The following ACOXL variants were observed in gnomAD, a reference collection of about 807,000 sequenced individuals.
ACOXL encodes the protein acyl-CoA oxidase like.
ACOXL carries 70 observed loss-of-function variants against 71.9 expected under a neutral mutation model. The ratio of observed to expected loss-of-function variants is 0.97; its 90% CI spans 0.80 to 1.19. The LOEUF is 1.19. ACOXL is among the 50% of genes most tolerant of loss of function. ACOXL has a pLI of 0.00. For missense variants in ACOXL, 703 were observed against 736.3 expected (o/e 0.95, Z 0.52); for synonymous variants, 253 against 281.6 (o/e 0.90, Z 1.02).
At chr2:110,892,665 T>C (rs1698054658) in intron 10 of ACOXL, among the ~76,000 whole-genome samples, 1 of 152,174 alleles carries the variant, frequency 6.6e-6, no homozygotes, top group South Asian at 2.1e-4. Context: ...AAGTTTGCTT[T>C]TACTTATTTT....
rs539073839 is a variant in ACOXL, at chr2:110,865,724, G to A, written c.788+24319G>A. 3.9e-5 allele frequency among the ~76,000 whole-genome samples: 6 copies of A among 152,290 alleles called. No individual in the cohort carries two copies. The East Asian group carries it at 1.2e-3, about 29-fold the overall frequency. On this transcript the variant is annotated intron_variant, in intron 10 of 17. Coordinates refer to ENST00000439055, the MANE Select transcript of ACOXL (RefSeq NM_001142807.4). The stretch of plus-strand genomic sequence containing the variant: ...GGATTTAATGTGTGTGTTTCCAGAC[G>A]ATTTACATGCATTTATGTGTGTGTT...
chr2:110,836,300 A>C (rs748716023), intron 9 of ACOXL, among the ~76,000 whole-genome samples: 2 of 152,202 alleles, frequency 1.3e-5, no homozygotes, highest in Non-Finnish European at 2.9e-5. Context: ...CCTGTGGATC[A>C]CTTTCTTCCA....
chr2:111,064,446 C>G (rs4849370), intron 16 of ACOXL, among the ~76,000 whole-genome samples: 1 of 138,250 alleles, frequency 7.2e-6, no homozygotes, highest in Non-Finnish European at 1.5e-5. Context: ...AAAAAAAAAA[C>G]AAAAAAAAAA....
At chr2:110,862,704 G>A (rs1014968909) in intron 10 of ACOXL, among the ~76,000 whole-genome samples, 13 of 152,314 alleles carry the variant, frequency 8.5e-5, no homozygotes, top group Admixed American at 4.6e-4. Flanking sequence ...GTGCCCCGGC[G>A]AATCACCCCC....
At position 111,081,510 on chromosome 2, in the gene ACOXL, C is replaced by A. The variant is rs551479446; in HGVS notation, c.1441-11355C>A. ...AGGAGAACTACAAGCTGCTGCTCAA[C>A]GAAATAAGAGAGGACACAAACAAAT... On this transcript the variant is annotated intron_variant, in intron 16 of 17. Transcript: ENST00000439055. Among the ~76,000 whole-genome samples, 4 of 151,932 alleles carry A rather than the reference C, an allele frequency of 2.6e-5. No individual in the cohort carries two copies. In the South Asian group the frequency reaches 8.3e-4, roughly 32 times the overall value.
intron 12 of ACOXL, among the ~76,000 whole-genome samples, chr2:110,980,624 G>T (rs531096191): frequency 4.1e-4 from 63 of 152,306 alleles, no homozygotes; most frequent in African/African-American, 1.5e-3. Flanking sequence ...TCATCTGGCA[G>T]CCTGCTGAGT....
chr2:110,926,791 C>T (rs2060286152), intron 11 of ACOXL, among the ~76,000 whole-genome samples: 1 of 152,124 alleles, frequency 6.6e-6, no homozygotes. Flanking sequence ...CCTGTCATCT[C>T]TCCCCGACCA....
chr2:110,796,140 TTAAA>T (rs1685254354), intron 5 of ACOXL: 1 of 152,200 alleles, frequency 6.6e-6, no homozygotes, highest in African/African-American at 2.4e-5. Flanking sequence ...CTAGAGCTTA[TTAAA>T]TAAGTGTTCT....
intron 1 of ACOXL, among the ~76,000 whole-genome samples, chr2:110,760,191 G>C (rs1186392706): frequency 6.6e-6 from 1 of 150,550 alleles, no homozygotes; most frequent in Non-Finnish European, 1.5e-5. Context: ...CCAGGCTGGA[G>C]TGCAGTGGTG....
intron 11 of ACOXL, among the ~76,000 whole-genome samples, chr2:110,912,008 CT>C (rs1326956718): frequency 6.6e-6 from 1 of 152,014 alleles, no homozygotes; most frequent in Non-Finnish European, 1.5e-5. Flanking sequence ...TTCAGCAAGA[CT>C]GCAGGATAGA....
intron 14 of ACOXL, among the ~76,000 whole-genome samples, chr2:111,025,324 T>C (rs988721838): frequency 1.3e-5 from 2 of 152,248 alleles, no homozygotes; most frequent in Admixed American, 1.3e-4. Flanking sequence ...ACATATGTTT[T>C]TGTTTATCTT....
intron 2 of ACOXL, among the ~76,000 whole-genome samples, chr2:110,781,880 C>T (rs1278849538): frequency 6.6e-6 from 1 of 152,088 alleles, no homozygotes; most frequent in African/African-American, 2.4e-5. Flanking sequence ...ACAGACTACT[C>T]TGTGAAAACA....
chr2:110,787,511 G>A (rs1234459164), intron 3 of ACOXL, among the ~76,000 whole-genome samples: 1 of 145,276 alleles, frequency 6.9e-6, no homozygotes, highest in African/African-American at 2.6e-5. Flanking sequence ...TCCAGCCTGG[G>A]TGACAGAGCA....
At chr2:111,050,194 A>G (rs963518024) in intron 16 of ACOXL, among the ~76,000 whole-genome samples, 5 of 151,888 alleles carry the variant, frequency 3.3e-5, no homozygotes, top group Non-Finnish European at 5.9e-5. Context: ...AAATGGGTGG[A>G]AAAAAAATAG....
intron 9 of ACOXL, among the ~76,000 whole-genome samples, chr2:110,840,827 G>A (rs575793328): frequency 6.6e-6 from 1 of 152,310 alleles, no homozygotes; most frequent in East Asian, 1.9e-4. Flanking sequence ...GCTGAGGCTT[G>A]CCCGCCTTGA....
chr2:110,804,136 G>A (rs953336424), intron 8 of ACOXL, among the ~76,000 whole-genome samples: 6 of 151,966 alleles, frequency 3.9e-5, no homozygotes, highest in African/African-American at 1.2e-4. Flanking sequence ...ACAGGCATGC[G>A]CCACCATGCC....
intron 10 of ACOXL, among the ~76,000 whole-genome samples, chr2:110,848,824 C>T (rs781522632): frequency 1.2e-4 from 18 of 152,202 alleles, no homozygotes; most frequent in Admixed American, 2.6e-4. Flanking sequence ...GAGGATCTTT[C>T]GCAAACACAG....
chr2:110,826,320 C>T (rs1191571966), intron 9 of ACOXL, among the ~76,000 whole-genome samples: 1 of 152,174 alleles, frequency 6.6e-6, no homozygotes, highest in East Asian at 1.9e-4. Context: ...TGCAAGATGC[C>T]AATCCCAAAT....
intron 14 of ACOXL, among the ~76,000 whole-genome samples, chr2:111,012,435 A>C (rs572274763): frequency 3.9e-5 from 6 of 152,354 alleles, no homozygotes; most frequent in African/African-American, 1.4e-4. Context: ...TCAGACTTAC[A>C]GTATCTCCAA....
Sources: allele counts gnomAD v4.1 joint callset (sites outside exome capture counted in the v4.1 genomes callset), GRCh38; gene constraint gnomAD v4.1.1; transcripts MANE v1.5; gene names NCBI Gene and HGNC (gene_info 2026-07-23, HGNC 2026-07-21).